The following ULK4 variants were observed in gnomAD, a reference collection of about 807,000 sequenced individuals.
ULK4 encodes the protein inactive serine/threonine-protein kinase ULK4.
In ULK4, 133 loss-of-function variants were observed where a neutral mutation model predicts 160.6. That is an observed-to-expected ratio of 0.83 (90% CI 0.72 to 0.96). ULK4 has a LOEUF of 0.96. Ranked by LOEUF, ULK4 falls within the 40% of genes least tolerant of loss-of-function variation. The pLI, the probability that ULK4 is intolerant of heterozygous loss-of-function variation, is 0.00. For missense variants in ULK4, 1,580 were observed against 1,499.5 expected, an observed-to-expected ratio of 1.05 and a Z score of -0.89; for synonymous variants, 534 against 539.8, an observed-to-expected ratio of 0.99 and a Z score of 0.15.
intron 9 of ULK4, 52 bp from the exon 10 acceptor site, chr3:41,911,711 G>A (rs758135335): frequency 1.5e-5 from 20 of 1,337,292 alleles, no homozygotes; most frequent in Non-Finnish European, 2.0e-5. Flanking sequence ...GTTCTCTATA[G>A]TTTTATGTTA....
At chr3:41,699,201 A>G (rs912895542) in intron 27 of ULK4, among the ~76,000 whole-genome samples, 3 of 151,930 alleles carry the variant, frequency 2.0e-5, no homozygotes, top group Non-Finnish European at 4.4e-5. Context: ...ACCAATGTAC[A>G]CTCTCACTGA....
rs548201754 is a variant in ULK4, at chr3:41,455,961, G to T, written c.3394-366C>A. ...GTCTCCCTCTGTCACCCAGGCTGTTGTGCAGTGGCACAATCTCAGCTCACT... is the reference window on the plus strand; with the variant it reads ...GTCTCCCTCTGTCACCCAGGCTGTTTTGCAGTGGCACAATCTCAGCTCACT... On this transcript the variant is annotated intron_variant, in intron 33 of 36. Transcript: ENST00000301831. Among the ~76,000 whole-genome samples, 11 of 152,178 alleles carry T rather than the reference G, an allele frequency of 7.2e-5. 1 individual carries two copies. In the East Asian group the frequency reaches 1.9e-3, roughly 27 times the overall value.
intron 18 of ULK4, among the ~76,000 whole-genome samples, chr3:41,825,711 T>A (rs1346394687): frequency 1.3e-5 from 2 of 152,104 alleles, no homozygotes; most frequent in Non-Finnish European, 2.9e-5. Flanking sequence ...ACAGGGAGAA[T>A]GGAACCAAGC....
At chr3:41,540,237 T>C (rs11129912) in intron 32 of ULK4, among the ~76,000 whole-genome samples, 77,511 of 151,472 alleles carry the variant, frequency 0.51, 19,916 homozygotes, top group Middle Eastern at 0.57. Flanking sequence ...GGCCCCAGTG[T>C]GTGATGCGTT....
In ULK4 at chr3:41,754,310, C is replaced by T. The variant is rs374401565; in HGVS notation, c.2321+51G>A. ...AAGAAATACCCTACAACTACTAATA[C>T]AACAGGCACTAAATTGAAGTTACTG... On this transcript the variant is annotated intron_variant, in intron 22 of 36. Transcript: ENST00000301831. 1.0e-5 allele frequency: 16 copies of T among 1,577,686 alleles called. No homozygotes were observed. In the East Asian group the frequency reaches 1.4e-4, roughly 13 times the overall value.
chr3:41,649,020 T>C (rs1464384512), intron 30 of ULK4, among the ~76,000 whole-genome samples: 1 of 151,162 alleles, frequency 6.6e-6, no homozygotes, highest in Non-Finnish European at 1.5e-5. Flanking sequence ...CCCACCTACT[T>C]GGGAAGCTGA....
intron 35 of ULK4, among the ~76,000 whole-genome samples, chr3:41,396,008 T>C (rs181920259): frequency 1.3e-5 from 2 of 152,284 alleles, no homozygotes; most frequent in East Asian, 1.9e-4. Flanking sequence ...TGGGGTCTTA[T>C]TAATTAATCT....
chr3:41,488,494 G>A (rs1203057553), intron 32 of ULK4, among the ~76,000 whole-genome samples: 1 of 152,158 alleles, frequency 6.6e-6, no homozygotes, highest in Admixed American at 6.5e-5. Flanking sequence ...ATACGCTTCT[G>A]CATTAGTTGA....
intron 2 of ULK4, among the ~76,000 whole-genome samples, chr3:41,954,359 G>GA (rs10645314): frequency 0.23 from 33,619 of 147,974 alleles, 4,383 homozygotes; most frequent in African/African-American, 0.36. Context: ...CTAAGGGAAA[G>GA]AAAAAAAAAG....
chr3:41,370,408 A>G (rs1452813965), intron 35 of ULK4, among the ~76,000 whole-genome samples: 2 of 152,178 alleles, frequency 1.3e-5, no homozygotes, highest in African/African-American at 4.8e-5. Context: ...CAGCAAGACC[A>G]ACCCAGAAGG....
At chr3:41,417,862 A>T (rs1258589389) in intron 34 of ULK4, among the ~76,000 whole-genome samples, 1 of 152,230 alleles carries the variant, frequency 6.6e-6, no homozygotes, top group Non-Finnish European at 1.5e-5. Context: ...CTACTCTGGT[A>T]TACTGTCTAT....
intron 19 of ULK4, among the ~76,000 whole-genome samples, chr3:41,804,871 T>G (rs2040592637): frequency 6.6e-6 from 1 of 152,288 alleles, no homozygotes; most frequent in East Asian, 1.9e-4. Flanking sequence ...TACCATGCTG[T>G]TTTGGTTACT....
chr3:41,746,161 C>A (rs1171073934), intron 22 of ULK4, among the ~76,000 whole-genome samples: 2 of 147,222 alleles, frequency 1.4e-5, no homozygotes, highest in Admixed American at 6.9e-5. Context: ...ATTCTAAATA[C>A]TAAAATAAGG....
At chr3:41,400,875 C>G (rs573663208) in intron 34 of ULK4, among the ~76,000 whole-genome samples, 1 of 152,320 alleles carries the variant, frequency 6.6e-6, no homozygotes, top group South Asian at 2.1e-4. Flanking sequence ...TTTAGCCACT[C>G]TGCTAGATAG....
At chr3:41,663,154 G>A (rs896971660) in intron 30 of ULK4, among the ~76,000 whole-genome samples, 2 of 151,900 alleles carry the variant, frequency 1.3e-5, no homozygotes, top group Non-Finnish European at 2.9e-5. Context: ...CCAGGAGGTG[G>A]AGGTTGCAGT....
chr3:41,882,189 A>G (rs1241924634), intron 17 of ULK4: 13 of 702,288 alleles, frequency 1.9e-5, no homozygotes, highest in Non-Finnish European at 3.4e-5. Context: ...AATATTTGTC[A>G]GTATCTATAC....
intron 23 of ULK4, among the ~76,000 whole-genome samples, 158 bp from the exon 24 acceptor site, chr3:41,715,726 C>G (rs557474319): frequency 3.3e-5 from 5 of 152,114 alleles, no homozygotes; most frequent in Non-Finnish European, 7.3e-5. Context: ...TTACAACAGA[C>G]ACTTATGGCC....
At chr3:41,642,120 T>G (rs909644867) in intron 30 of ULK4, among the ~76,000 whole-genome samples, 3 of 152,108 alleles carry the variant, frequency 2.0e-5, no homozygotes, top group Admixed American at 2.0e-4. Context: ...GTGATCCGCC[T>G]GCCTAGGTCT....
At chr3:41,910,096 A>G (rs962337479) in intron 11 of ULK4, among the ~76,000 whole-genome samples, 1 of 151,868 alleles carries the variant, frequency 6.6e-6, no homozygotes, top group Admixed American at 6.6e-5. Flanking sequence ...GGTTTTCGCC[A>G]TGTTGTCCAG....
Sources: gnomAD v4.1 joint callset for allele counts (sites outside exome capture counted in the v4.1 genomes callset) on GRCh38, gnomAD v4.1.1 for gene constraint, MANE v1.5 for transcripts, NCBI Gene and HGNC (gene_info 2026-07-23, HGNC 2026-07-21) for gene names.